The following OPCML variants were observed in gnomAD, a reference collection of about 807,000 sequenced individuals.
OPCML encodes the protein opioid-binding protein/cell adhesion molecule.
A neutral mutation model predicts 37.8 loss-of-function variants in OPCML; 13 were observed. The observed-to-expected ratio is 0.34, with a 90% confidence interval of 0.22 to 0.55. The LOEUF (loss-of-function observed/expected upper bound fraction) is 0.55. Among genes scored for constraint, OPCML ranks in the 20% least tolerant of loss-of-function variants. OPCML has a pLI of 0.91. For synonymous variants in OPCML, 176 were observed against 168.8 expected (o/e 1.04, Z -0.33); for missense variants, 341 against 435.6 (o/e 0.78, Z 1.93).
chr11:133,184,053 T>C (rs1406400846), intron 1 of OPCML, among the ~76,000 whole-genome samples: 1 of 152,108 alleles, frequency 6.6e-6, no homozygotes, highest in Non-Finnish European at 1.5e-5. Flanking sequence ...AGCTTGACAT[T>C]GAAGGGGAGG....
intron 4 of OPCML, among the ~76,000 whole-genome samples, chr11:132,472,332 G>T (rs2096140623): frequency 6.6e-6 from 1 of 152,156 alleles, no homozygotes; most frequent in Admixed American, 6.6e-5. Flanking sequence ...TCTGCTAAAT[G>T]TGCAAATGGT....
At chr11:132,995,803 C>T (rs930144490) in intron 1 of OPCML, among the ~76,000 whole-genome samples, 1 of 152,194 alleles carries the variant, frequency 6.6e-6, no homozygotes, top group African/African-American at 2.4e-5. Context: ...TCCAGGATAA[C>T]CCCAGAGAAA....
chr11:133,487,746 A>G (rs1015754139), intron 1 of OPCML, among the ~76,000 whole-genome samples: 3 of 151,236 alleles, frequency 2.0e-5, no homozygotes, highest in African/African-American at 7.3e-5. Flanking sequence ...CTGATTGGGA[A>G]ATCTCAATAT....
At chr11:133,292,843 T>C (rs575346146) in intron 1 of OPCML, among the ~76,000 whole-genome samples, 1 of 152,306 alleles carries the variant, frequency 6.6e-6, no homozygotes, top group African/African-American at 2.4e-5. Context: ...TTGTGGCTCC[T>C]CATCATGATT....
At chr11:132,921,694 A>G (rs1944809056) in intron 2 of OPCML, among the ~76,000 whole-genome samples, 1 of 152,164 alleles carries the variant, frequency 6.6e-6, no homozygotes, top group Admixed American at 6.5e-5. Flanking sequence ...TTTTTTTATA[A>G]GACACCCACA....
At chr11:133,397,001 T>C (rs933642858) in intron 1 of OPCML, among the ~76,000 whole-genome samples, 2 of 152,210 alleles carry the variant, frequency 1.3e-5, no homozygotes, top group Non-Finnish European at 2.9e-5. Context: ...GTGTGACCCA[T>C]GTTCATCACT....
At chr11:133,435,923 T>C (rs1946224652) in intron 1 of OPCML, among the ~76,000 whole-genome samples, 1 of 152,200 alleles carries the variant, frequency 6.6e-6, no homozygotes, top group Non-Finnish European at 1.5e-5. Flanking sequence ...CTGCTCACAT[T>C]TGAAAACAAA....
At chr11:133,515,412 C>T (rs927283298) in intron 1 of OPCML, among the ~76,000 whole-genome samples, 24 of 152,140 alleles carry the variant, frequency 1.6e-4, no homozygotes, top group Admixed American at 1.4e-3. Flanking sequence ...TGGCTGGAGG[C>T]CAGGGATGTT....
intron 1 of OPCML, among the ~76,000 whole-genome samples, chr11:133,012,628 C>A (rs1456638474): frequency 1.3e-5 from 2 of 152,260 alleles, no homozygotes; most frequent in South Asian, 4.1e-4. Context: ...GTAATCCCAG[C>A]ACTTTGGGAG....
chr11:132,502,834 G>A (rs981106159), intron 4 of OPCML, among the ~76,000 whole-genome samples: 1 of 152,132 alleles, frequency 6.6e-6, no homozygotes, highest in African/African-American at 2.4e-5. Flanking sequence ...GAGAGAGTGG[G>A]GCGCCTTGGC....
intron 2 of OPCML, among the ~76,000 whole-genome samples, chr11:132,841,789 A>G (rs770920888): frequency 7.2e-6 from 1 of 137,972 alleles, no homozygotes; most frequent in Non-Finnish European, 1.5e-5. Flanking sequence ...TGAACCTGGG[A>G]GCAAGAGGTT....
At chr11:132,463,042 A>T (rs2096108061) in intron 4 of OPCML, among the ~76,000 whole-genome samples, 1 of 152,326 alleles carries the variant, frequency 6.6e-6, no homozygotes, top group East Asian at 1.9e-4. Flanking sequence ...TAATCAAGTT[A>T]AAAATACCCA....
At chr11:133,231,107 G>A (rs1451630171) in intron 1 of OPCML, among the ~76,000 whole-genome samples, 1 of 152,172 alleles carries the variant, frequency 6.6e-6, no homozygotes, top group Admixed American at 6.5e-5. Flanking sequence ...GCAATGCAAG[G>A]TCATGAGCTC....
intron 1 of OPCML, among the ~76,000 whole-genome samples, chr11:133,057,513 G>A (rs1176307734): frequency 6.6e-6 from 1 of 152,172 alleles, no homozygotes; most frequent in Non-Finnish European, 1.5e-5. Context: ...GGGTGGGTGT[G>A]GCCAGTAGAA....
chr11:132,441,773 CA>C (rs2096036416), intron 4 of OPCML, among the ~76,000 whole-genome samples: 1 of 152,166 alleles, frequency 6.6e-6, no homozygotes, highest in African/African-American at 2.4e-5. Flanking sequence ...TGCAAAAATA[CA>C]AATGAGGCCA....
At chr11:133,106,062 A>G (rs939225898) in intron 1 of OPCML, among the ~76,000 whole-genome samples, 4 of 152,194 alleles carry the variant, frequency 2.6e-5, no homozygotes, top group African/African-American at 9.7e-5. Context: ...AAATAACATA[A>G]TATTTTATCT....
intron 2 of OPCML, among the ~76,000 whole-genome samples, chr11:132,899,888 C>G (rs1486950585): frequency 6.6e-6 from 1 of 152,100 alleles, no homozygotes; most frequent in Non-Finnish European, 1.5e-5. Context: ...CAGGCTCTCT[C>G]GCCTGTGGAT....
chr11:132,996,977 C>T (rs1946900034), intron 1 of OPCML, among the ~76,000 whole-genome samples: 1 of 152,194 alleles, frequency 6.6e-6, no homozygotes, highest in Non-Finnish European at 1.5e-5. Flanking sequence ...TCTGCCGAGG[C>T]AGCTCCCCTT....
At chr11:132,448,740 C>T (rs1290092539) in intron 4 of OPCML, among the ~76,000 whole-genome samples, 1 of 152,182 alleles carries the variant, frequency 6.6e-6, no homozygotes, top group Non-Finnish European at 1.5e-5. Flanking sequence ...TTCTGTGACT[C>T]ATGCTAACAG....
Sources: gnomAD v4.1 joint callset for allele counts (sites outside exome capture counted in the v4.1 genomes callset) on GRCh38, gnomAD v4.1.1 for gene constraint, MANE v1.5 for transcripts, NCBI Gene and HGNC (gene_info 2026-07-23, HGNC 2026-07-21) for gene names.